Variants in LCLAT1 observed in about 807,000 individuals in gnomAD.
LCLAT1 encodes the protein 1-AGP acyltransferase 8.
In LCLAT1, 11 loss-of-function variants were observed where a neutral mutation model predicts 30.7. The observed-to-expected ratio is 0.36, with a 90% CI of 0.23 to 0.59. The LOEUF is 0.59. Among genes scored for constraint, LCLAT1 ranks in the 20% least tolerant of loss-of-function variants. The probability of loss-of-function intolerance (pLI) is 0.77; values close to 1 mark genes in which losing one functional copy is unlikely to be tolerated. For missense variants in LCLAT1, 402 were observed against 458.6 expected, an observed-to-expected ratio of 0.88 and a Z score of 1.13; for synonymous variants, 155 against 151.3, an observed-to-expected ratio of 1.02 and a Z score of -0.18.
chr2:30,578,539 G>A (rs1004964857), intron 5 of LCLAT1, among the ~76,000 whole-genome samples: 1 of 152,102 alleles, frequency 6.6e-6, no homozygotes, highest in Non-Finnish European at 1.5e-5. Flanking sequence ...ACTTACAGTG[G>A]TAATGAGCTA....
intron 4 of LCLAT1, among the ~76,000 whole-genome samples, chr2:30,564,439 T>C (rs1665384682): frequency 6.6e-6 from 1 of 151,786 alleles, no homozygotes; most frequent in Non-Finnish European, 1.5e-5. Flanking sequence ...TCATTCTGTA[T>C]TTGTTCTCAG....
chr2:30,586,241 C>CAA (rs148993331), intron 5 of LCLAT1, among the ~76,000 whole-genome samples: 9,342 of 77,282 alleles, frequency 0.12, 943 homozygotes, highest in African/African-American at 0.28. Flanking sequence ...GACTCCGTCT[C>CAA]AAAAAAAAAA....
At chr2:30,621,096 C>T (rs1298734170) in intron 5 of LCLAT1, among the ~76,000 whole-genome samples, 1 of 152,170 alleles carries the variant, frequency 6.6e-6, no homozygotes, top group Non-Finnish European at 1.5e-5. Flanking sequence ...GGCCAGGTAT[C>T]TTGATAGGAC....
chr2:30,598,602 A>C (rs1210397225), intron 5 of LCLAT1, among the ~76,000 whole-genome samples: 1 of 151,454 alleles, frequency 6.6e-6, no homozygotes, highest in South Asian at 2.1e-4. Flanking sequence ...CAGCTTGTGG[A>C]TTCATTGATT....
Position 30,640,113 on chromosome 2 carries a change from C to A in LCLAT1, c.629-4C>A, listed in dbSNP as rs772619332. 6.2e-7 allele frequency: 1 copy of A among 1,603,506 alleles called. No individual in the cohort carries two copies. Among genetic ancestry groups the A allele is most frequent in the Non-Finnish European group, 8.5e-7 (1 of 1,175,680 alleles). ...ATCTATGTTTTCATCTTTTCGAAACCCAGGTAAGAACCTTGATGCTGTCCA... is the reference window on the plus strand; with the variant it reads ...ATCTATGTTTTCATCTTTTCGAAACACAGGTAAGAACCTTGATGCTGTCCA... On this transcript the variant is annotated splice_polypyrimidine_tract_variant and splice_region_variant and intron_variant, in intron 5 of 5. Transcript: ENST00000379509.
intron 3 of LCLAT1, among the ~76,000 whole-genome samples, chr2:30,541,201 A>G (rs941989490): frequency 6.6e-6 from 1 of 152,096 alleles, no homozygotes; most frequent in African/African-American, 2.4e-5. Flanking sequence ...ATTTTATAGC[A>G]AACTTAGCTT....
At chr2:30,629,493 G>A (rs1445442311) in intron 5 of LCLAT1, among the ~76,000 whole-genome samples, 1 of 152,146 alleles carries the variant, frequency 6.6e-6, no homozygotes, top group Non-Finnish European at 1.5e-5. Context: ...CCGGGAAGTG[G>A]AAGTTGCAGT....
At chr2:30,494,172 A>G (rs1054014012) in intron 1 of LCLAT1, among the ~76,000 whole-genome samples, 1 of 152,142 alleles carries the variant, frequency 6.6e-6, no homozygotes, top group African/African-American at 2.4e-5. Context: ...GCAGTAAGCT[A>G]TGACTGTGCC....
At chr2:30,530,058 T>C (rs1685912125) in intron 2 of LCLAT1, among the ~76,000 whole-genome samples, 1 of 152,230 alleles carries the variant, frequency 6.6e-6, no homozygotes, top group South Asian at 2.1e-4. Context: ...TAAGTAGTGG[T>C]ATATAAAAGA....
chr2:30,524,749 C>CTTA (rs1454882409), intron 1 of LCLAT1, among the ~76,000 whole-genome samples: 1 of 67,478 alleles, frequency 1.5e-5, no homozygotes, highest in Non-Finnish European at 4.4e-5. Context: ...CTTTATTTTA[C>CTTA]TTAATACTTT....
intron 5 of LCLAT1, among the ~76,000 whole-genome samples, chr2:30,590,534 T>A (rs940360147): frequency 2.1e-5 from 3 of 145,908 alleles, no homozygotes; most frequent in Non-Finnish European, 3.0e-5. Context: ...ATATATATAT[T>A]ATATGTATAT....
intron 1 of LCLAT1, among the ~76,000 whole-genome samples, chr2:30,448,705 G>C (rs1288927741): frequency 1.3e-5 from 2 of 152,168 alleles, no homozygotes; most frequent in African/African-American, 2.4e-5. Context: ...GGAAGCAATG[G>C]GGAAAACCCA....
intron 4 of LCLAT1, among the ~76,000 whole-genome samples, chr2:30,564,031 A>G (rs909671981): frequency 1.3e-5 from 2 of 152,202 alleles, no homozygotes; most frequent in African/African-American, 2.4e-5. Context: ...TGGTTGGATC[A>G]CAGAGGATAA....
At chr2:30,534,883 G>T (rs1686167256) in intron 3 of LCLAT1, among the ~76,000 whole-genome samples, 1 of 152,102 alleles carries the variant, frequency 6.6e-6, no homozygotes, top group Non-Finnish European at 1.5e-5. Context: ...ACATCCCTAA[G>T]AGGACTGATA....
chr2:30,503,044 G>T (rs1207502437), intron 1 of LCLAT1, among the ~76,000 whole-genome samples: 1 of 152,170 alleles, frequency 6.6e-6, no homozygotes, highest in Non-Finnish European at 1.5e-5. Flanking sequence ...TCAATTACAT[G>T]CAAATTAAGG....
intron 3 of LCLAT1, among the ~76,000 whole-genome samples, chr2:30,545,889 T>G (rs1664385349): frequency 6.6e-6 from 1 of 152,170 alleles, no homozygotes; most frequent in Admixed American, 6.5e-5. Context: ...AGTTTGAGCC[T>G]TTTAGAAAGC....
chr2:30,629,950 A>C (rs1668690122), intron 5 of LCLAT1, among the ~76,000 whole-genome samples: 1 of 151,510 alleles, frequency 6.6e-6, no homozygotes, highest in Non-Finnish European at 1.5e-5. Flanking sequence ...TTTTTTTTTT[A>C]AGGTACATGT....
intron 3 of LCLAT1, among the ~76,000 whole-genome samples, chr2:30,533,610 AG>A (rs1322177238): frequency 6.6e-6 from 1 of 152,206 alleles, no homozygotes; most frequent in African/African-American, 2.4e-5. Context: ...TTTTTATTGC[AG>A]GTAGTACTTG....
chr2:30,612,952 T>A (rs1031463323), intron 5 of LCLAT1, among the ~76,000 whole-genome samples: 1 of 152,082 alleles, frequency 6.6e-6, no homozygotes, highest in African/African-American at 2.4e-5. Context: ...TTATAGTATG[T>A]CAGATGATGG....
Sources: gnomAD v4.1 joint callset for allele counts (sites outside exome capture counted in the v4.1 genomes callset) on GRCh38, gnomAD v4.1.1 for gene constraint, MANE v1.5 for transcripts, NCBI Gene and HGNC (gene_info 2026-07-23, HGNC 2026-07-21) for gene names.